The following ATG7 variants were observed in gnomAD, a reference collection of about 807,000 sequenced individuals.
ATG7 encodes the protein autophagy related 7.
ATG7 carries 70 observed loss-of-function variants against 82.4 expected under a neutral mutation model. That is an observed-to-expected ratio of 0.85 (90% CI 0.70 to 1.04). The LOEUF is 1.04. ATG7 is among the 50% of genes least tolerant of loss of function. The pLI, the probability that ATG7 is intolerant of heterozygous loss-of-function variation, is 0.00. For synonymous variants in ATG7, 287 were observed against 313.0 expected, an observed-to-expected ratio of 0.92 and a Z score of 0.88; for missense variants, 792 against 864.3, an observed-to-expected ratio of 0.92 and a Z score of 1.05.
intron 10 of ATG7, 38 bp from the exon 11 acceptor site, chr3:11,332,934 A>C: frequency 7.1e-7 from 1 of 1,405,902 alleles, no homozygotes; most frequent in Non-Finnish European, 9.3e-7. Flanking sequence ...CCTTTAAAAA[A>C]AAATAATAAA....
intron 20 of ATG7, among the ~76,000 whole-genome samples, chr3:11,454,032 T>C (rs1201162708): frequency 6.6e-6 from 1 of 152,246 alleles, no homozygotes; most frequent in Admixed American, 6.5e-5. Context: ...CTTGCTAAAC[T>C]GAGCTTTTCT....
intron 7 of ATG7, among the ~76,000 whole-genome samples, chr3:11,312,827 T>C (rs1322933221): frequency 1.3e-5 from 2 of 152,226 alleles, no homozygotes; most frequent in African/African-American, 4.8e-5. Context: ...GATAGTACAT[T>C]AAGTATCTAT....
Position 11,554,882 on chromosome 3 carries a change from T to G in ATG7, c.*39T>G. ...TGGGGCTGACTTCTCCCCGGCCGCC[T>G]GCTGAGGAGCTCTCCATCGCCAGAG... On this transcript the variant is annotated 3_prime_UTR_variant, in exon 21 of 21. Coordinates refer to ENST00000693202, the MANE Select transcript of ATG7 (RefSeq NM_001349232.2). 6.2e-7 allele frequency: 1 copy of G among 1,606,654 alleles called. No individual in the cohort carries two copies. Among genetic ancestry groups the G allele is most frequent in the Non-Finnish European group, 8.5e-7 (1 of 1,177,650 alleles).
At chr3:11,421,457 G>A (rs1322059362) in intron 19 of ATG7, among the ~76,000 whole-genome samples, 1 of 152,162 alleles carries the variant, frequency 6.6e-6, no homozygotes, top group Non-Finnish European at 1.5e-5. Flanking sequence ...TTGCTTACCT[G>A]TAAGAAGCAA....
intron 20 of ATG7, among the ~76,000 whole-genome samples, chr3:11,445,999 G>A (rs1292153644): frequency 2.0e-5 from 3 of 152,038 alleles, no homozygotes; most frequent in Non-Finnish European, 4.4e-5. Flanking sequence ...TGTAGCCCCT[G>A]TGAAAAGAAA....
At position 11,426,881 on chromosome 3, in the gene ATG7, C is replaced by T; in HGVS notation, c.2034C>T (p.Asp678=). The stretch of plus-strand genomic sequence containing the variant: ...ATTCTTCACATTCCTTCTTAGAAGA[C>T]TTGACTGGTCTTACATTGCTGCATC... ...VFNSSHSFLE[D]LTGLTLLHQE... is the part of the protein sequence containing the mutation. Residue 678 remains aspartate, a synonymous_variant, in exon 20 of 21, where the codon GAC becomes GAT. Coordinates refer to ENST00000693202, the MANE Select transcript of ATG7 (RefSeq NM_001349232.2). 4.3e-6 allele frequency: 7 copies of T among 1,611,378 alleles called. No homozygotes were observed. Among genetic ancestry groups the T allele is most frequent in the South Asian group, 1.1e-5 (1 of 90,444 alleles).
intron 20 of ATG7, among the ~76,000 whole-genome samples, chr3:11,488,707 A>G (rs886698842): frequency 3.3e-5 from 5 of 152,154 alleles, no homozygotes; most frequent in Non-Finnish European, 2.9e-5. Flanking sequence ...GGTTACATTT[A>G]TTGATTTGCA....
At chr3:11,395,750 C>A (rs1489149889) in intron 19 of ATG7, among the ~76,000 whole-genome samples, 1 of 151,888 alleles carries the variant, frequency 6.6e-6, no homozygotes, top group Middle Eastern at 3.4e-3. Flanking sequence ...ACCATCCTGG[C>A]TAACACGGTG....
At chr3:11,521,514 C>T (rs997779463) in intron 20 of ATG7, among the ~76,000 whole-genome samples, 5 of 151,396 alleles carry the variant, frequency 3.3e-5, no homozygotes, top group African/African-American at 7.3e-5. Flanking sequence ...CCAGGGCTGC[C>T]GTGGGAGCAG....
At chr3:11,494,431 T>C (rs11916067) in intron 20 of ATG7, among the ~76,000 whole-genome samples, 7,954 of 152,228 alleles carry the variant, frequency 0.052, 582 homozygotes, top group African/African-American at 0.17. Flanking sequence ...AAATGTAACT[T>C]TAAGTTTGAA....
chr3:11,535,969 C>T (rs1244984551), intron 20 of ATG7, among the ~76,000 whole-genome samples: 1 of 152,212 alleles, frequency 6.6e-6, no homozygotes, highest in African/African-American at 2.4e-5. Context: ...CCTGCCAAAC[C>T]AGCCATCAGG....
downstream of ATG7, chr3:11,558,300 G>A: frequency 1.7e-6 from 1 of 587,560 alleles, no homozygotes; most frequent in East Asian, 2.9e-5. Context: ...TTTGGTAACT[G>A]AGGCAGGAAG....
chr3:11,342,300 G>T (rs1385090339), intron 13 of ATG7, 21 bp downstream of exon 13: 6 of 1,600,446 alleles, frequency 3.7e-6, no homozygotes, highest in Non-Finnish European at 5.1e-6. Context: ...GGTGGGGGGT[G>T]CAAATGGCAC....
the ATG7 span, among the ~76,000 whole-genome samples, chr3:11,569,511 G>A: frequency 6.6e-6 from 1 of 152,224 alleles, no homozygotes; most frequent in East Asian, 1.9e-4. Context: ...GTAGAATGAA[G>A]GCTATGCAGA....
chr3:11,353,030 T>C (rs1044940702), intron 14 of ATG7, among the ~76,000 whole-genome samples: 4 of 152,244 alleles, frequency 2.6e-5, no homozygotes, highest in Admixed American at 6.5e-5. Flanking sequence ...TGCAAGATTA[T>C]CTAATTTGGG....
chr3:11,513,189 G>A (rs1046962371), intron 20 of ATG7, among the ~76,000 whole-genome samples: 6 of 152,258 alleles, frequency 3.9e-5, no homozygotes, highest in Non-Finnish European at 5.9e-5. Context: ...TTCACCCAGT[G>A]GATCCCGCAC....
intron 13 of ATG7, among the ~76,000 whole-genome samples, chr3:11,344,845 C>T (rs944103606): frequency 4.6e-5 from 7 of 151,922 alleles, no homozygotes; most frequent in Non-Finnish European, 5.9e-5. Context: ...CTCCAGCCTG[C>T]GTGATAAAGC....
intron 20 of ATG7, among the ~76,000 whole-genome samples, chr3:11,503,349 C>CA (rs1382291844): frequency 6.6e-6 from 1 of 151,872 alleles, no homozygotes; most frequent in East Asian, 1.9e-4. Context: ...TTACATGTCC[C>CA]AAAAAATTCT....
chr3:11,363,443 A>G (rs1042619593), intron 17 of ATG7, among the ~76,000 whole-genome samples: 3 of 152,164 alleles, frequency 2.0e-5, no homozygotes, highest in East Asian at 3.8e-4. Context: ...GGGTTTTGCC[A>G]TGTTGGTCAG....
Sources: gnomAD v4.1 joint callset for allele counts (sites outside exome capture counted in the v4.1 genomes callset) on GRCh38, gnomAD v4.1.1 for gene constraint, MANE v1.5 for transcripts, NCBI Gene and HGNC (gene_info 2026-07-23, HGNC 2026-07-21) for gene names.